The following MEP1A variants were observed in gnomAD, a reference collection of about 807,000 sequenced individuals.
The protein encoded by MEP1A is meprin A subunit alpha, also known as N-benzoyl-L-tyrosyl-P-amino-benzoic acid hydrolase subunit alpha.
In MEP1A, 68 loss-of-function variants were observed where a neutral mutation model predicts 84.5. The observed-to-expected ratio is 0.80, with a 90% CI of 0.66 to 0.98. The LOEUF (loss-of-function observed/expected upper bound fraction) is 0.98. Among genes scored for constraint, MEP1A ranks in the 50% least tolerant of loss-of-function variants. The probability of loss-of-function intolerance (pLI) is 0.00; values close to 1 mark genes in which losing one functional copy is unlikely to be tolerated. For synonymous variants in MEP1A, 337 were observed against 336.8 expected, an observed-to-expected ratio of 1.00 and a Z score of -0.01; for missense variants, 887 against 919.9, an observed-to-expected ratio of 0.96 and a Z score of 0.46.
chr6:46,819,243 T>C, intron 6 of MEP1A, among the ~76,000 whole-genome samples: 1 of 152,242 alleles, frequency 6.6e-6, no homozygotes, highest in East Asian at 1.9e-4. Context: ...TGTTTATTGC[T>C]TTCTACCTTG....
chr6:46,820,429 G>T (rs9472876), intron 7 of MEP1A, among the ~76,000 whole-genome samples: 63,416 of 151,764 alleles, frequency 0.42, 13,535 homozygotes, highest in African/African-American at 0.5. Context: ...TTGCTCTTGT[G>T]GCCCAGGCTG....
At chr6:46,821,549 A>C (rs1288770204) in intron 7 of MEP1A, among the ~76,000 whole-genome samples, 1 of 152,240 alleles carries the variant, frequency 6.6e-6, no homozygotes, top group South Asian at 2.1e-4. Flanking sequence ...TCAGGGGACT[A>C]TTAGACTTTG....
intron 6 of MEP1A, among the ~76,000 whole-genome samples, chr6:46,810,951 G>T (rs1358117648): frequency 2.6e-5 from 4 of 151,986 alleles, no homozygotes; most frequent in African/African-American, 9.7e-5. Flanking sequence ...GGCTATGTGG[G>T]TTCTTTTTTG....
At chr6:46,830,585 G>T (rs536594390) in intron 10 of MEP1A, among the ~76,000 whole-genome samples, 15 of 152,094 alleles carry the variant, frequency 9.9e-5, no homozygotes, top group Non-Finnish European at 2.2e-4. Flanking sequence ...TATAACCCTG[G>T]ATCTTGATTT....
At position 46,829,469 on chromosome 6, in the gene MEP1A, T is replaced by A; in HGVS notation, c.1042T>A (p.Tyr348Asn). ...KRKQQCLQFFYKMTGSPSDRL... is the reference protein window; with the variant it reads ...KRKQQCLQFFNKMTGSPSDRL... ...GAAGCAGCAGTGCCTGCAATTTTTC[T>A]ATAAAATGACGGGAAGTCCTTCAGA... Residue 348 changes from tyrosine to asparagine, a missense_variant, in exon 10 of 14, where the codon TAT becomes AAT. Transcript: ENST00000230588. 1 of 1,614,172 alleles carries A rather than the reference T, an allele frequency of 6.2e-7. No homozygotes were observed. The highest frequency in any genetic ancestry group is 8.5e-7 in the Non-Finnish European group (1 of 1,180,006).
intron 13 of MEP1A, among the ~76,000 whole-genome samples, chr6:46,837,258 A>G (rs956587099): frequency 1.2e-4 from 18 of 152,214 alleles, no homozygotes; most frequent in Admixed American, 7.2e-4. Flanking sequence ...CGAAGGAATC[A>G]TAAACATTAA....
intron 3 of MEP1A, 28 bp from the exon 4 acceptor site, chr6:46,798,578 C>A (rs758383836): frequency 2.5e-6 from 4 of 1,596,632 alleles, no homozygotes; most frequent in East Asian, 2.2e-5. Flanking sequence ...CTCAAATATT[C>A]TTTTTTTAAA....
At chr6:46,797,876 TTCCTTCCTTCC>T (rs1767093589) in intron 3 of MEP1A, among the ~76,000 whole-genome samples, 4 of 69,142 alleles carry the variant, frequency 5.8e-5, no homozygotes, top group Admixed American at 1.7e-4. Flanking sequence ...CTACCTTTCC[TTCCTTCCTTCC>T]TTCCTTCCTT....
At position 46,825,291 on chromosome 6, in the gene MEP1A, C is replaced by T. The variant is rs371073268; in HGVS notation, c.576C>T (p.Asp192=). 6.2e-7 allele frequency: 1 copy of T among 1,611,968 alleles called. No homozygotes were observed. The highest frequency in any genetic ancestry group is 2.2e-5 in the East Asian group (1 of 44,820). Residue 192 remains aspartate, a synonymous_variant, in exon 8 of 14, where the codon GAC becomes GAT. Transcript: ENST00000230588. The part of the protein sequence containing the change: ...QILSGYQHNF[D]TYDDSLITDL... ...TAACAGGTTACCAGCACAACTTTGA[C>T]ACCTATGATGATAGCTTAATCACAG...
chr6:46,831,472 T>G (rs1768073951), intron 10 of MEP1A, among the ~76,000 whole-genome samples: 1 of 152,198 alleles, frequency 6.6e-6, no homozygotes, highest in Non-Finnish European at 1.5e-5. Context: ...CTAACAGGGA[T>G]TAAATTTGTC....
chr6:46,799,547 G>C (rs1338161662), intron 5 of MEP1A, among the ~76,000 whole-genome samples: 1 of 152,100 alleles, frequency 6.6e-6, no homozygotes, highest in African/African-American at 2.4e-5. Context: ...TCAGCATATT[G>C]ATTTCTTCTC....
intron 4 of MEP1A, among the ~76,000 whole-genome samples, 155 bp from the exon 5 acceptor site, chr6:46,798,951 G>A (rs999322055): frequency 6.6e-6 from 1 of 152,130 alleles, no homozygotes; most frequent in African/African-American, 2.4e-5. Context: ...TATCTCTCAA[G>A]GACTTCTATT....
downstream of MEP1A, among the ~76,000 whole-genome samples, chr6:46,842,493 C>T (rs148317178): frequency 2.0e-5 from 3 of 152,188 alleles, no homozygotes; most frequent in Non-Finnish European, 2.9e-5. Context: ...CTGAAATATG[C>T]CCTGGTCTCC....
Position 46,794,076 on chromosome 6 carries a change from A to G in MEP1A, c.145+360A>G, listed in dbSNP as rs533492264. On this transcript the variant is annotated intron_variant, in intron 3 of 13. Coordinates refer to ENST00000230588, the MANE Select transcript of MEP1A (RefSeq NM_005588.3). ...AGCCTCTGGTTATATTTAGTGGGGAAACAAAACCCAACCCCTCCACTGGCC... is the reference window on the plus strand; with the variant it reads ...AGCCTCTGGTTATATTTAGTGGGGAGACAAAACCCAACCCCTCCACTGGCC... Among the ~76,000 whole-genome samples, 9 of 152,312 alleles carry G rather than the reference A, an allele frequency of 5.9e-5. No homozygotes were observed. The South Asian group carries it at 1.9e-3, about 32-fold the overall frequency.
intron 7 of MEP1A, among the ~76,000 whole-genome samples, chr6:46,821,273 A>G (rs1032802250): frequency 7.9e-5 from 12 of 152,210 alleles, no homozygotes; most frequent in African/African-American, 2.4e-4. Flanking sequence ...AACTTATAAT[A>G]GTCTAATAGG....
At chr6:46,799,376 A>G (rs1655016158) in intron 5 of MEP1A, among the ~76,000 whole-genome samples, 195 bp downstream of exon 5, 1 of 152,256 alleles carries the variant, frequency 6.6e-6, no homozygotes. Context: ...TGAGATACAC[A>G]GAATCCAAGA....
At chr6:46,845,711 T>C in the MEP1A span, among the ~76,000 whole-genome samples, 1 of 152,170 alleles carries the variant, frequency 6.6e-6, no homozygotes, top group Non-Finnish European at 1.5e-5. Flanking sequence ...ATAAATACAC[T>C]AAGAGAGACA....
chr6:46,795,381 A>G (rs1200662586), intron 3 of MEP1A, among the ~76,000 whole-genome samples: 2 of 151,802 alleles, frequency 1.3e-5, no homozygotes, highest in African/African-American at 4.8e-5. Flanking sequence ...GCTCACTGCA[A>G]CCTCCGCCTC....
chr6:46,843,135 G>C (rs1768362534), downstream of MEP1A, among the ~76,000 whole-genome samples: 1 of 152,106 alleles, frequency 6.6e-6, no homozygotes, highest in Non-Finnish European at 1.5e-5. Context: ...TTTTGAGGTG[G>C]GTATTCTTTT....
Sources: allele counts gnomAD v4.1 joint callset (sites outside exome capture counted in the v4.1 genomes callset), GRCh38; gene constraint gnomAD v4.1.1; transcripts MANE v1.5; gene names NCBI Gene and HGNC (gene_info 2026-07-23, HGNC 2026-07-21).